The following SPIDR variants were observed in gnomAD, a reference collection of about 807,000 sequenced individuals.
SPIDR encodes the protein scaffold protein involved in DNA repair.
SPIDR carries 93 observed loss-of-function variants against 104.6 expected under a neutral mutation model. That is an observed-to-expected ratio of 0.89 (90% CI 0.75 to 1.06). The LOEUF is 1.06. Among genes scored for constraint, SPIDR ranks in the 50% least tolerant of loss-of-function variants. The pLI, the probability that SPIDR is intolerant of heterozygous loss-of-function variation, is 0.00. For missense variants in SPIDR, 1,154 were observed against 1,111.2 expected (o/e 1.04, Z -0.55); for synonymous variants, 431 against 416.9 (o/e 1.03, Z -0.41).
Position 47,580,606 on chromosome 8 carries a change from G to C in SPIDR, c.1098-15205G>C, listed in dbSNP as rs569554752. Among the ~76,000 whole-genome samples the C allele has an allele frequency of 3.3e-5, 5 of 152,264 alleles. No homozygotes were observed. The South Asian group carries it at 1.0e-3, about 32-fold the overall frequency. Reference sequence around the variant, plus strand: ...CCTTCCTCCCATGTCATCGTGTGCTGTGCATTAGATTCTCACGTGCTTGGT... The same window carrying C: ...CCTTCCTCCCATGTCATCGTGTGCTCTGCATTAGATTCTCACGTGCTTGGT... On this transcript the variant is annotated intron_variant, in intron 8 of 19. Coordinates refer to ENST00000297423, the MANE Select transcript of SPIDR (RefSeq NM_001080394.4).
chr8:47,634,631 C>T (rs2067603953), intron 10 of SPIDR, among the ~76,000 whole-genome samples: 1 of 152,204 alleles, frequency 6.6e-6, no homozygotes, highest in Non-Finnish European at 1.5e-5. Context: ...ATGCACTGCA[C>T]TGCCCAAGAG....
intron 10 of SPIDR, chr8:47,673,336 A>C: frequency 2.2e-6 from 1 of 449,832 alleles, no homozygotes; most frequent in Non-Finnish European, 4.5e-6. Flanking sequence ...AATGCCTCTT[A>C]TTGTTGTTCT....
chr8:47,392,170 A>G lies in SPIDR; in HGVS notation c.526-4206A>G, dbSNP rs554835075. Among the ~76,000 whole-genome samples the G allele has an allele frequency of 3.5e-4, 53 of 152,332 alleles. 1 individual carries two copies. Among genetic ancestry groups the G allele is most frequent in the Middle Eastern group, 6.8e-3 (2 of 294 alleles). ...CTTATATGTTAGCATTTATTACTGC[A>G]TCTCCAATTTGAAGATGGGGAAACA... On this transcript the variant is annotated intron_variant, in intron 5 of 19. Transcript: ENST00000297423.
intron 5 of SPIDR, among the ~76,000 whole-genome samples, chr8:47,305,465 A>G (rs1433720352): frequency 6.6e-6 from 1 of 152,182 alleles, no homozygotes; most frequent in Non-Finnish European, 1.5e-5. Flanking sequence ...TTTTGTTTGT[A>G]TTCTTATCAG....
intron 5 of SPIDR, among the ~76,000 whole-genome samples, chr8:47,345,124 T>G (rs549863289): frequency 5.9e-5 from 9 of 152,368 alleles, no homozygotes; most frequent in African/African-American, 2.2e-4. Flanking sequence ...TAATCCATCT[T>G]GAAATAATTT....
chr8:47,458,305 G>A (rs2073339190), intron 8 of SPIDR, among the ~76,000 whole-genome samples: 1 of 145,766 alleles, frequency 6.9e-6, no homozygotes, highest in African/African-American at 2.5e-5. Context: ...TTACCTCTTT[G>A]GTTAAGCATA....
intron 8 of SPIDR, among the ~76,000 whole-genome samples, chr8:47,465,368 C>T (rs1209124433): frequency 1.3e-5 from 2 of 152,154 alleles, no homozygotes; most frequent in Admixed American, 6.6e-5. Context: ...CATATCAATA[C>T]GAACCTTGAA....
At chr8:47,706,569 G>A (rs969271217) in intron 14 of SPIDR, among the ~76,000 whole-genome samples, 7 of 152,102 alleles carry the variant, frequency 4.6e-5, no homozygotes, top group Non-Finnish European at 7.4e-5. Context: ...AGAATCCTCC[G>A]CTGTGCCATC....
rs184688572 is a variant in SPIDR, at chr8:47,553,168, G to A, written c.1098-42643G>A. Among the ~76,000 whole-genome samples the A allele has an allele frequency of 5.5e-4, 84 of 152,234 alleles. 1 individual carries two copies. Among genetic ancestry groups the A allele is most frequent in the African/African-American group, 1.9e-3 (78 of 41,536 alleles). On this transcript the variant is annotated intron_variant, in intron 8 of 19. Transcript: ENST00000297423. ...ATGGGCTTCCCTTTGTGGGTAACTC[G>A]ACCTTTCTCTCTGGCTGCCCTTAAC...
rs565423466 is a variant in SPIDR, at chr8:47,452,184, G to C, written c.1097+11642G>C. On this transcript the variant is annotated intron_variant, in intron 8 of 19. Coordinates refer to ENST00000297423, the MANE Select transcript of SPIDR (RefSeq NM_001080394.4). ...GAAAGCAGCAAGAGAGAGGCAACTT[G>C]CTACGTATAAGGGATCCTCAATAAT... Among the ~76,000 whole-genome samples the C allele has an allele frequency of 5.3e-5, 8 of 152,224 alleles. No homozygotes were observed. The South Asian group carries it at 1.7e-3, about 32-fold the overall frequency.
chr8:47,511,303 G>A (rs2154376070), intron 8 of SPIDR: 1 of 1,402,324 alleles, frequency 7.1e-7, no homozygotes. Context: ...GCTGGCTTTG[G>A]CTTCATTTTC....
chr8:47,621,157 A>G (rs932704100), intron 10 of SPIDR, among the ~76,000 whole-genome samples: 7 of 151,644 alleles, frequency 4.6e-5, no homozygotes, highest in Admixed American at 6.6e-5. Flanking sequence ...GGGTTTCACC[A>G]TGTTGGCCAG....
intron 2 of SPIDR, among the ~76,000 whole-genome samples, chr8:47,283,347 A>G (rs986867555): frequency 3.3e-5 from 5 of 152,242 alleles, no homozygotes; most frequent in Non-Finnish European, 5.9e-5. Flanking sequence ...CACAGCATTT[A>G]TTAATTTTGC....
chr8:47,409,047 G>T (rs113690317), intron 7 of SPIDR, among the ~76,000 whole-genome samples: 2 of 152,090 alleles, frequency 1.3e-5, no homozygotes, highest in African/African-American at 4.8e-5. Context: ...TTAGCTGGGC[G>T]TGGTGGTGCA....
intron 1 of SPIDR, among the ~76,000 whole-genome samples, chr8:47,275,340 A>G (rs887176393): frequency 8.9e-4 from 135 of 152,288 alleles, no homozygotes; most frequent in Middle Eastern, 3.4e-3. Context: ...TGATAATATA[A>G]GCATTTGGAT....
chr8:47,662,708 C>G (rs1389849795), intron 10 of SPIDR, among the ~76,000 whole-genome samples: 1 of 152,024 alleles, frequency 6.6e-6, no homozygotes, highest in African/African-American at 2.4e-5. Flanking sequence ...TCCTCTTATC[C>G]CTGCTTTCTC....
chr8:47,690,292 C>T (rs988669680), intron 11 of SPIDR, among the ~76,000 whole-genome samples: 7 of 151,854 alleles, frequency 4.6e-5, no homozygotes, highest in East Asian at 1.9e-4. Context: ...GAGGGGTGCG[C>T]GTGCACGTGC....
chr8:47,683,657 C>G (rs2077372119), intron 11 of SPIDR, among the ~76,000 whole-genome samples: 1 of 152,160 alleles, frequency 6.6e-6, no homozygotes. Context: ...AATATGAAAT[C>G]CAAAATACTC....
intron 10 of SPIDR, among the ~76,000 whole-genome samples, chr8:47,632,728 G>C (rs2067265634): frequency 6.6e-6 from 1 of 152,170 alleles, no homozygotes; most frequent in Non-Finnish European, 1.5e-5. Context: ...TTTGTCTTTT[G>C]TTTAGTCTTG....
Sources: allele counts gnomAD v4.1 joint callset (sites outside exome capture counted in the v4.1 genomes callset), GRCh38; gene constraint gnomAD v4.1.1; transcripts MANE v1.5; gene names NCBI Gene and HGNC (gene_info 2026-07-23, HGNC 2026-07-21).